The following NTM variants were observed in gnomAD, a reference collection of about 807,000 sequenced individuals.
NTM encodes the protein neurotrimin.
Under a neutral mutation model 42.1 loss-of-function variants are expected in NTM, and 13 were observed. That is an observed-to-expected ratio of 0.31 (90% confidence interval 0.20 to 0.49). The LOEUF is 0.49. NTM is among the 20% of genes least tolerant of loss of function. The pLI is 0.99. For synonymous variants in NTM, 187 were observed against 179.2 expected, an observed-to-expected ratio of 1.04 and a Z score of -0.35; for missense variants, 373 against 452.8, an observed-to-expected ratio of 0.82 and a Z score of 1.60.
At chr11:132,060,746 G>T (rs1230722082) in intron 2 of NTM, among the ~76,000 whole-genome samples, 1 of 152,124 alleles carries the variant, frequency 6.6e-6, no homozygotes, top group Non-Finnish European at 1.5e-5. Flanking sequence ...TTTCATGAGG[G>T]TCTAGACCTG....
intron 1 of NTM, among the ~76,000 whole-genome samples, chr11:131,871,172 G>A (rs927650113): frequency 5.3e-5 from 8 of 152,172 alleles, no homozygotes; most frequent in Non-Finnish European, 1.2e-4. Context: ...TTTTAATCAG[G>A]GAGAACATGA....
Position 131,563,783 on chromosome 11 carries a change from T to C in NTM, c.82+192895T>C, listed in dbSNP as rs143680825. 1.4e-4 allele frequency among the ~76,000 whole-genome samples: 21 copies of C among 152,262 alleles called. No homozygotes were observed. In the East Asian group the frequency reaches 3.9e-3, roughly 28 times the overall value. ...GTGCTTTTTATGGTGATAAAAATAGTGCAAGGCATTGGTGGTCATTTTCTC... is the reference window on the plus strand; with the variant it reads ...GTGCTTTTTATGGTGATAAAAATAGCGCAAGGCATTGGTGGTCATTTTCTC... On this transcript the variant is annotated intron_variant, in intron 1 of 8. Coordinates refer to ENST00000683400, the MANE Select transcript of NTM (RefSeq NM_001352005.2).
At chr11:131,434,841 G>C (rs1224476705) in intron 1 of NTM, among the ~76,000 whole-genome samples, 1 of 152,134 alleles carries the variant, frequency 6.6e-6, no homozygotes, top group Non-Finnish European at 1.5e-5. Flanking sequence ...TGCTTTTGGT[G>C]TTTTAGTCAT....
intron 4 of NTM, among the ~76,000 whole-genome samples, chr11:132,281,596 TA>T (rs1292138340): frequency 1.3e-5 from 2 of 152,234 alleles, no homozygotes; most frequent in Admixed American, 6.5e-5. Flanking sequence ...TAAGAATAGA[TA>T]TCTAAAAATA....
chr11:131,799,803 A>C (rs1282745841), intron 1 of NTM, among the ~76,000 whole-genome samples: 1 of 152,188 alleles, frequency 6.6e-6, no homozygotes, highest in African/African-American at 2.4e-5. Context: ...CTCAGCTAGA[A>C]TCCTAGTGGC....
At chr11:131,403,822 G>T (rs1374082038) in intron 1 of NTM, among the ~76,000 whole-genome samples, 1 of 152,130 alleles carries the variant, frequency 6.6e-6, no homozygotes, top group Non-Finnish European at 1.5e-5. Context: ...CAGTATACCT[G>T]CCTTTCATTT....
intron 1 of NTM, among the ~76,000 whole-genome samples, chr11:131,838,241 G>A (rs567796878): frequency 1.3e-3 from 202 of 152,266 alleles, no homozygotes; most frequent in African/African-American, 4.4e-3. Flanking sequence ...CACTCATCCC[G>A]GAAGTCGGGC....
intron 1 of NTM, among the ~76,000 whole-genome samples, chr11:131,736,909 A>G (rs1209634000): frequency 6.6e-6 from 1 of 152,202 alleles, no homozygotes; most frequent in African/African-American, 2.4e-5. Context: ...ATTGTCACAT[A>G]CGTTTACTTT....
intron 5 of NTM, 38 bp from the exon 6 acceptor site, chr11:132,310,074 A>AT: frequency 2.0e-6 from 3 of 1,504,902 alleles, no homozygotes; most frequent in Middle Eastern, 2.4e-4. Flanking sequence ...AAAAAAAAAA[A>AT]GGTGGGGGGG....
chr11:131,979,673 A>G (rs187780219), intron 2 of NTM, among the ~76,000 whole-genome samples: 48 of 152,310 alleles, frequency 3.2e-4, no homozygotes, highest in African/African-American at 1.0e-3. Flanking sequence ...TTGCCTCACT[A>G]TTAACTCAAA....
intron 1 of NTM, among the ~76,000 whole-genome samples, chr11:131,902,296 CACAA>C (rs755719207): frequency 5.9e-5 from 9 of 152,210 alleles, no homozygotes; most frequent in South Asian, 2.1e-4. Context: ...TCAAGCCTTC[CACAA>C]ACAAACAGTT....
At chr11:131,909,709 C>G (rs113152270) in intron 1 of NTM, 1 of 152,286 alleles carries the variant, frequency 6.6e-6, no homozygotes, top group South Asian at 2.1e-4. Flanking sequence ...TCCCTCAGAG[C>G]CGAAGTTAAG....
intron 3 of NTM, among the ~76,000 whole-genome samples, chr11:132,155,992 G>A (rs2073103312): frequency 6.6e-6 from 1 of 152,128 alleles, no homozygotes; most frequent in Non-Finnish European, 1.5e-5. Context: ...TGTTGCAGAA[G>A]GCCAAGAAAA....
intron 1 of NTM, among the ~76,000 whole-genome samples, chr11:131,489,276 C>T (rs926515178): frequency 6.6e-6 from 1 of 152,136 alleles, no homozygotes; most frequent in African/African-American, 2.4e-5. Context: ...TCTCAGCTTG[C>T]TTTTTTCCCC....
chr11:131,970,091 T>G (rs1181930235), intron 2 of NTM, among the ~76,000 whole-genome samples: 1 of 152,210 alleles, frequency 6.6e-6, no homozygotes, highest in East Asian at 1.9e-4. Context: ...ATTACAGATT[T>G]GAGCCACTGC....
At chr11:131,661,100 T>TC (rs71475770) in intron 1 of NTM, 3 of 1,209,516 alleles carry the variant, frequency 2.5e-6, no homozygotes, top group South Asian at 1.3e-5. Context: ...GGGGGGGTCT[T>TC]CCCCCTAGAT....
intron 4 of NTM, among the ~76,000 whole-genome samples, chr11:132,303,857 C>T (rs557502623): frequency 3.5e-4 from 54 of 152,228 alleles, no homozygotes; most frequent in African/African-American, 1.2e-3. Context: ...CTACAGAGGG[C>T]TTCTCCTGGG....
intron 1 of NTM, among the ~76,000 whole-genome samples, chr11:131,685,259 G>A (rs924236577): frequency 1.3e-5 from 2 of 148,658 alleles, no homozygotes; most frequent in African/African-American, 5.2e-5. Context: ...CCTTCCTGAT[G>A]CACTCCTCAA....
intron 2 of NTM, among the ~76,000 whole-genome samples, chr11:132,108,367 A>G (rs11222932): frequency 0.14 from 20,967 of 152,214 alleles, 1,519 homozygotes; most frequent in Middle Eastern, 0.17. Flanking sequence ...AAGGAATGAA[A>G]TAGTGCCATT....
Sources: allele counts gnomAD v4.1 joint callset (sites outside exome capture counted in the v4.1 genomes callset), GRCh38; gene constraint gnomAD v4.1.1; transcripts MANE v1.5; gene names NCBI Gene and HGNC (gene_info 2026-07-23, HGNC 2026-07-21).